RBMS2: variants seen among roughly 807,000 people sequenced by gnomAD.
RBMS2 encodes RNA binding motif single stranded interacting protein 2, also known as RNA-binding motif, single-stranded-interacting protein 2.
Under a neutral mutation model 58.4 loss-of-function variants are expected in RBMS2, and 38 were observed. The ratio of observed to expected loss-of-function variants is 0.65; its 90% CI spans 0.50 to 0.85. The LOEUF (loss-of-function observed/expected upper bound fraction) is 0.85, where lower values mean the gene tolerates loss of function less well. Among genes scored for constraint, RBMS2 ranks in the 40% least tolerant of loss-of-function variants. RBMS2 has a pLI of 0.00. For synonymous variants in RBMS2, 151 were observed against 180.7 expected (o/e 0.84, Z 1.32); for missense variants, 367 against 503.7 (o/e 0.73, Z 2.60).
intron 1 of RBMS2, among the ~76,000 whole-genome samples, chr12:56,555,342 A>G (rs1319100438): frequency 6.6e-6 from 1 of 151,566 alleles, no homozygotes; most frequent in African/African-American, 2.4e-5. Context: ...CGGGAGGCTG[A>G]GGCAGGAGAA....
intron 11 of RBMS2, 143 bp downstream of exon 11, chr12:56,587,807 C>A (rs777024431): frequency 9.8e-5 from 123 of 1,261,370 alleles, no homozygotes; most frequent in Non-Finnish European, 1.3e-4. Flanking sequence ...ACATAAACTA[C>A]AATGGTAGTG....
chr12:56,572,830 G>C, intron 5 of RBMS2: 1 of 984,760 alleles, frequency 1.0e-6, no homozygotes, highest in South Asian at 4.7e-5. Context: ...TTCTGCACCT[G>C]TGATATCAGA....
intron 1 of RBMS2, among the ~76,000 whole-genome samples, chr12:56,533,408 C>CTTTTCT (rs1874156087): frequency 3.1e-5 from 2 of 65,306 alleles, no homozygotes; most frequent in East Asian, 1.0e-3. Flanking sequence ...AGCCCTATTA[C>CTTTTCT]TTTTTTTTTT....
chr12:56,581,709 T>C, intron 7 of RBMS2, 124 bp from the exon 8 acceptor site: 2 of 1,240,626 alleles, frequency 1.6e-6, no homozygotes, highest in Non-Finnish European at 1.1e-6. Context: ...CTGAAACAGC[T>C]GTAGTGGGAC....
At chr12:56,542,746 C>T (rs955318902) in intron 1 of RBMS2, among the ~76,000 whole-genome samples, 1 of 151,390 alleles carries the variant, frequency 6.6e-6, no homozygotes, top group Non-Finnish European at 1.5e-5. Flanking sequence ...GGCAGGGTCT[C>T]CCTGTGTTGC....
intron 1 of RBMS2, among the ~76,000 whole-genome samples, chr12:56,527,158 A>G (rs1414444848): frequency 6.6e-6 from 1 of 152,206 alleles, no homozygotes; most frequent in Non-Finnish European, 1.5e-5. Context: ...TAGTACTTCT[A>G]ACAGGATAGA....
intron 2 of RBMS2, among the ~76,000 whole-genome samples, chr12:56,568,467 A>G (rs1448823739): frequency 2.0e-5 from 3 of 150,526 alleles, no homozygotes; most frequent in Non-Finnish European, 4.4e-5. Flanking sequence ...CAGTTACCTT[A>G]TTTCTTTTAG....
At chr12:56,578,950 C>A (rs1402057900) in intron 5 of RBMS2, among the ~76,000 whole-genome samples, 1 of 151,978 alleles carries the variant, frequency 6.6e-6, no homozygotes. Context: ...GGCAACAGAG[C>A]GAGACTCCAT....
rs148793349 is a variant in RBMS2, at chr12:56,588,330, A to G, written c.1099A>G (p.Ile367Val). 5.0e-6 allele frequency: 8 copies of G among 1,613,820 alleles called. No individual in the cohort carries two copies. The highest frequency in any genetic ancestry group is 2.7e-5 in the African/African-American group (2 of 74,910). ...GGCTGCAGCTATGCAAGGAGCTTAC[A>G]TCTCCCAGTACACCCCTGTGCCTTC... is the stretch of plus-strand genomic sequence containing the variant. The part of the protein sequence containing the change: ...PTAAAMQGAY[I>V]SQYTPVPSSS... The change falls in exon 12 of 14, where the codon ATC (isoleucine) becomes GTC (valine). Residue 367 changes from isoleucine to valine, a missense_variant. By Grantham distance (29) the Ile-to-Val change is conservative. Around this residue, in one of 3 missense-constraint regions of RBMS2, gnomAD observed 220 missense variants for 261.1 expected, o/e 0.84. Transcript: ENST00000262031.
chr12:56,587,549 T>A lies in RBMS2; in HGVS notation c.952-5T>A, dbSNP rs769382240. On this transcript the variant is annotated splice_region_variant and splice_polypyrimidine_tract_variant and intron_variant, in intron 10 of 13. Coordinates refer to ENST00000262031, the MANE Select transcript of RBMS2 (RefSeq NM_002898.4). ...GCTAACCCTGTCCTTTGTTGCTGCC[T>A]CTAGGGTTCAGTTCTGACACCAGGG... is the stretch of plus-strand genomic sequence containing the variant. The A allele has an allele frequency of 1.2e-6, 2 of 1,613,214 alleles. No homozygotes were observed. The highest frequency in any genetic ancestry group is 2.2e-5 in the South Asian group (2 of 90,928).
chr12:56,581,759 C>T, intron 7 of RBMS2, 74 bp from the exon 8 acceptor site: 1 of 1,529,532 alleles, frequency 6.5e-7, no homozygotes, highest in Non-Finnish European at 9.0e-7. Flanking sequence ...ACATTCCCAG[C>T]CTTGGACATT....
At chr12:56,524,230 G>T (rs1387008400) in intron 1 of RBMS2, among the ~76,000 whole-genome samples, 1 of 152,126 alleles carries the variant, frequency 6.6e-6, no homozygotes, top group African/African-American at 2.4e-5. Flanking sequence ...GTTGGAATTG[G>T]TTGGGGAGGA....
Position 56,592,927 on chromosome 12 carries a change from C to A in RBMS2, c.*3794C>A, listed in dbSNP as rs1413576867. 1 of 152,204 alleles carries A rather than the reference C, an allele frequency of 6.6e-6. No individual in the cohort carries two copies. Among genetic ancestry groups the A allele is most frequent in the Non-Finnish European group, 1.5e-5 (1 of 68,110 alleles). The allele number at this position is 152,204 out of a possible 1,614,324, so 9.4% of individuals were successfully genotyped here. A position where few individuals can be genotyped will look rare whatever the true frequency, so the allele number is the denominator to read the frequency against. On this transcript the variant is annotated 3_prime_UTR_variant, in exon 14 of 14. Coordinates refer to ENST00000262031, the MANE Select transcript of RBMS2 (RefSeq NM_002898.4). Reference sequence around the variant, plus strand: ...GCCCAAGGGTTCTTCCCACCTAAGCCTCCCAAGTAGCTGGAAGTACAGGCA... The same window carrying A: ...GCCCAAGGGTTCTTCCCACCTAAGCATCCCAAGTAGCTGGAAGTACAGGCA...
chr12:56,549,639 C>A (rs1270801358), intron 1 of RBMS2, among the ~76,000 whole-genome samples: 1 of 152,014 alleles, frequency 6.6e-6, no homozygotes, highest in East Asian at 1.9e-4. Flanking sequence ...AATGAATGTT[C>A]TGGGGAAGGG....
chr12:56,585,287 T>G (rs1884535562), intron 9 of RBMS2, among the ~76,000 whole-genome samples: 1 of 152,260 alleles, frequency 6.6e-6, no homozygotes, highest in South Asian at 2.1e-4. Flanking sequence ...TGTTAACCAG[T>G]TGGCCTAGCG....
chr12:56,581,007 A>G (rs549343244), intron 5 of RBMS2, among the ~76,000 whole-genome samples, 177 bp from the exon 6 acceptor site: 1 of 152,288 alleles, frequency 6.6e-6, no homozygotes, highest in Non-Finnish European at 1.5e-5. Flanking sequence ...CTTCATTACA[A>G]GCTGGGGTTA....
At chr12:56,588,882 G>A in intron 12 of RBMS2, 50 bp from the exon 13 acceptor site, 2 of 1,583,522 alleles carry the variant, frequency 1.3e-6, no homozygotes, top group East Asian at 2.2e-5. Flanking sequence ...CTGTAGTGGA[G>A]GTGAGGAAAG....
chr12:56,530,989 T>G (rs745550385), intron 1 of RBMS2, among the ~76,000 whole-genome samples: 4 of 152,102 alleles, frequency 2.6e-5, no homozygotes, highest in Non-Finnish European at 5.9e-5. Flanking sequence ...ACCCATCCCT[T>G]TAAGTTCAGT....
chr12:56,560,788 G>A (rs574901872), intron 1 of RBMS2, among the ~76,000 whole-genome samples: 1 of 151,986 alleles, frequency 6.6e-6, no homozygotes, highest in Admixed American at 6.6e-5. Context: ...TAAGTTCATG[G>A]GTATATGTGC....
Sources: gnomAD v4.1 joint callset for allele counts (sites outside exome capture counted in the v4.1 genomes callset) on GRCh38, gnomAD v4.1.1 for gene constraint, gnomAD v4.1.1 regional missense constraint, MANE v1.5 for transcripts, NCBI Gene and HGNC (gene_info 2026-07-23, HGNC 2026-07-21) for gene names.